Variants in HTR4 observed in about 807,000 individuals in gnomAD.
HTR4 encodes the protein 5-hydroxytryptamine (serotonin) receptor 4, G protein-coupled.
HTR4 carries 16 observed loss-of-function variants against 36.8 expected under a neutral mutation model. That is an observed-to-expected ratio of 0.43 (90% CI 0.29 to 0.66). The LOEUF is 0.66. Ranked by LOEUF, HTR4 falls within the 30% of genes least tolerant of loss-of-function variation. The pLI is 0.13. For synonymous variants in HTR4, 189 were observed against 185.1 expected (o/e 1.02, Z -0.17); for missense variants, 438 against 490.9 (o/e 0.89, Z 1.02).
chr5:148,583,747 G>A (rs1194994401), intron 2 of HTR4, among the ~76,000 whole-genome samples: 1 of 152,000 alleles, frequency 6.6e-6, no homozygotes, highest in Non-Finnish European at 1.5e-5. Flanking sequence ...AAAAACTGTG[G>A]AGATGATGAG....
intron 2 of HTR4, among the ~76,000 whole-genome samples, chr5:148,622,259 C>A (rs1752943418): frequency 1.3e-5 from 2 of 152,118 alleles, no homozygotes; most frequent in African/African-American, 4.8e-5. Flanking sequence ...TAAATATTAC[C>A]ATTTACTGGA....
At chr5:148,602,193 G>A (rs1762021799) in intron 2 of HTR4, among the ~76,000 whole-genome samples, 2 of 152,090 alleles carry the variant, frequency 1.3e-5, no homozygotes, top group African/African-American at 2.4e-5. Context: ...GGAGGTAAAG[G>A]TCGTGTCTAT....
chr5:148,566,529 G>A (rs908879842), intron 2 of HTR4, among the ~76,000 whole-genome samples: 1 of 152,136 alleles, frequency 6.6e-6, no homozygotes, highest in African/African-American at 2.4e-5. Flanking sequence ...CCAGCTTAAC[G>A]GAGAAAGAGG....
At chr5:148,588,809 G>A (rs1282344524) in intron 2 of HTR4, among the ~76,000 whole-genome samples, 2 of 151,080 alleles carry the variant, frequency 1.3e-5, no homozygotes, top group African/African-American at 4.9e-5. Context: ...CAAAGTGCTG[G>A]GATTACAGGC....
chr5:148,544,940 T>TA (rs1458440857), intron 4 of HTR4, among the ~76,000 whole-genome samples: 1 of 152,242 alleles, frequency 6.6e-6, no homozygotes, highest in Non-Finnish European at 1.5e-5. Context: ...GGACATGGCA[T>TA]ACTGCCGGGA....
chr5:148,571,710 T>C (rs574891215), intron 2 of HTR4, among the ~76,000 whole-genome samples: 20 of 152,182 alleles, frequency 1.3e-4, no homozygotes, highest in African/African-American at 4.8e-4. Flanking sequence ...CACTGGAGTG[T>C]TCCTGATTTA....
At chr5:148,486,320 C>T (rs1756159470) in intron 6 of HTR4, among the ~76,000 whole-genome samples, 1 of 152,150 alleles carries the variant, frequency 6.6e-6, no homozygotes, top group Non-Finnish European at 1.5e-5. Context: ...TAAGAGACCT[C>T]CTTCCTGTGC....
At chr5:148,480,082 T>C (rs970019498), downstream of HTR4, among the ~76,000 whole-genome samples, 3 of 152,198 alleles carry the variant, frequency 2.0e-5, no homozygotes, top group Non-Finnish European at 2.9e-5. Context: ...ATATATATAA[T>C]TTATAGCATG....
At chr5:148,538,823 C>T (rs1758960676) in intron 4 of HTR4, among the ~76,000 whole-genome samples, 1 of 152,088 alleles carries the variant, frequency 6.6e-6, no homozygotes, top group South Asian at 2.1e-4. Flanking sequence ...AGATTCAATG[C>T]TATTTCTATC....
intron 2 of HTR4, among the ~76,000 whole-genome samples, chr5:148,624,849 AT>A (rs1025189470): frequency 1.6e-4 from 25 of 152,312 alleles, no homozygotes; most frequent in African/African-American, 6.0e-4. Flanking sequence ...AAAAAATAAA[AT>A]AAAGGCTTTA....
intron 2 of HTR4, among the ~76,000 whole-genome samples, chr5:148,605,320 G>C (rs149384928): frequency 3.6e-5 from 5 of 140,530 alleles, no homozygotes; most frequent in African/African-American, 1.4e-4. Flanking sequence ...GTGCAATGGC[G>C]TGATCTCGGC....
At chr5:148,512,392 T>C (rs184484688) in intron 5 of HTR4, among the ~76,000 whole-genome samples, 1 of 152,230 alleles carries the variant, frequency 6.6e-6, no homozygotes, top group African/African-American at 2.4e-5. Flanking sequence ...TCCTGTCTTT[T>C]GAATTGATTA....
At chr5:148,589,912 G>A (rs994727839) in intron 2 of HTR4, among the ~76,000 whole-genome samples, 19 of 151,820 alleles carry the variant, frequency 1.3e-4, no homozygotes, top group Non-Finnish European at 2.4e-4. Flanking sequence ...ATTATTAATC[G>A]TAGTCACCAT....
At chr5:148,498,418 T>G (rs1356735681) in intron 6 of HTR4, among the ~76,000 whole-genome samples, 1 of 152,188 alleles carries the variant, frequency 6.6e-6, no homozygotes, top group African/African-American at 2.4e-5. Flanking sequence ...TTTTCAATTT[T>G]GAGTATTTTA....
chr5:148,591,367 G>T (rs575315794), intron 2 of HTR4, among the ~76,000 whole-genome samples: 1 of 152,106 alleles, frequency 6.6e-6, no homozygotes, highest in East Asian at 1.9e-4. Context: ...CTTCTATAAA[G>T]AATTGTCATT....
chr5:148,469,474 G>C (rs1319633676), intron 5 of HTR4, among the ~76,000 whole-genome samples: 1 of 152,166 alleles, frequency 6.6e-6, no homozygotes, highest in Non-Finnish European at 1.5e-5. Context: ...AAAATGTCTT[G>C]CCTCCTCACC....
At chr5:148,512,062 T>C (rs1426967939) in intron 5 of HTR4, among the ~76,000 whole-genome samples, 3 of 152,186 alleles carry the variant, frequency 2.0e-5, no homozygotes, top group Non-Finnish European at 2.9e-5. Context: ...GTTTCCTGAT[T>C]AGCACTCTGG....
intron 2 of HTR4, among the ~76,000 whole-genome samples, chr5:148,620,246 C>T (rs559258763): frequency 6.6e-6 from 1 of 152,262 alleles, no homozygotes; most frequent in South Asian, 2.1e-4. Context: ...AGTTGCTTGC[C>T]AAGAAACTGA....
In HTR4 at chr5:148,520,847, C is replaced by T. The variant is rs374672367; in HGVS notation, c.507+2346G>A. The T allele has an allele frequency of 2.2e-6, 3 of 1,354,470 alleles. No individual in the cohort carries two copies. The East Asian group carries it at 1.4e-4, about 62-fold the overall frequency. 83.9% of individuals were successfully genotyped at this position (1,354,470 alleles called of 1,614,324 possible). ...GGATAGGATTCAAAAAATGTCCATGCAGTTACACTTCTAATTCACTCTTCT... is the reference window on the plus strand; with the variant it reads ...GGATAGGATTCAAAAAATGTCCATGTAGTTACACTTCTAATTCACTCTTCT... On this transcript the variant is annotated intron_variant, in intron 5 of 6. Transcript: ENST00000377888.
Sources: allele counts gnomAD v4.1 joint callset (sites outside exome capture counted in the v4.1 genomes callset), GRCh38; gene constraint gnomAD v4.1.1; transcripts MANE v1.5; gene names NCBI Gene and HGNC (gene_info 2026-07-23, HGNC 2026-07-21).